Variants in KDM5A observed in about 807,000 individuals in gnomAD.
KDM5A encodes lysine-specific demethylase 5A.
In KDM5A, 42 loss-of-function variants were observed where a neutral mutation model predicts 193.5. That is an observed-to-expected ratio of 0.22 (90% CI 0.17 to 0.28). The LOEUF (loss-of-function observed/expected upper bound fraction) is 0.28, where lower values mean the gene tolerates loss of function less well. Among genes scored for constraint, KDM5A ranks in the 10% least tolerant of loss-of-function variants. The probability of loss-of-function intolerance (pLI) is 1.00; values close to 1 mark genes in which losing one functional copy is unlikely to be tolerated. For synonymous variants in KDM5A, 796 were observed against 718.1 expected (o/e 1.11, Z -1.73); for missense variants, 1,692 against 2,055.1 (o/e 0.82, Z 3.42).
intron 25 of KDM5A, among the ~76,000 whole-genome samples, chr12:296,621 T>C (rs1943377710): frequency 6.6e-6 from 1 of 152,134 alleles, no homozygotes; most frequent in South Asian, 2.1e-4. Flanking sequence ...ACAGAAAAAT[T>C]AACATCACAG....
intron 5 of KDM5A, among the ~76,000 whole-genome samples, chr12:357,600 C>A (rs985994404): frequency 6.6e-6 from 1 of 151,784 alleles, no homozygotes; most frequent in Middle Eastern, 3.4e-3. Context: ...GAGGCCGAGG[C>A]GGGCGGATCA....
chr12:298,924 A>G (rs986185357), intron 24 of KDM5A, among the ~76,000 whole-genome samples: 2 of 151,898 alleles, frequency 1.3e-5, no homozygotes, highest in Non-Finnish European at 2.9e-5. Context: ...CAATAGCCGA[A>G]TCAATCAAGC....
At chr12:356,605 GA>G in intron 5 of KDM5A, 68 bp from the exon 6 acceptor site, 1 of 965,420 alleles carries the variant, frequency 1.0e-6, no homozygotes, top group East Asian at 2.4e-5. Context: ...TTTACCCAAG[GA>G]AAGTTTCAGA....
chr12:298,209 GCCT>G (rs1460325326), intron 24 of KDM5A, among the ~76,000 whole-genome samples: 1 of 152,230 alleles, frequency 6.6e-6, no homozygotes, highest in Non-Finnish European at 1.5e-5. Context: ...GCAACAGAAT[GCCT>G]CCTCAAGTGG....
chr12:368,307 A>G (rs148241890), intron 3 of KDM5A, among the ~76,000 whole-genome samples: 2,064 of 152,290 alleles, frequency 0.014, 53 homozygotes, highest in African/African-American at 0.047. Context: ...ACAACACTGT[A>G]AATGTACTTA....
rs183910600 is a variant in KDM5A at position 282,826 on chromosome 12, C to T, written c.*2630G>A. On this transcript the variant is annotated 3_prime_UTR_variant, in exon 28 of 28. Coordinates refer to ENST00000399788, the MANE Select transcript of KDM5A (RefSeq NM_001042603.3). ...TAATTTTCTCTAAGTGAAAATAATG[C>T]TTTGTATTAGAACACCAACATTTCT... 10 of 232,454 alleles carry T rather than the reference C, an allele frequency of 4.3e-5. No individual in the cohort carries two copies. The highest frequency in any genetic ancestry group is 1.8e-4 in the African/African-American group (8 of 45,404). 14.4% of individuals were successfully genotyped at this position (232,454 alleles called of 1,614,324 possible).
intron 10 of KDM5A, among the ~76,000 whole-genome samples, chr12:340,268 A>G (rs1280739816): frequency 6.6e-6 from 1 of 152,264 alleles, no homozygotes; most frequent in African/African-American, 2.4e-5. Flanking sequence ...CATAGTTAGA[A>G]TCTGAGGCCT....
chr12:309,568 A>G (rs1386564865), intron 22 of KDM5A, among the ~76,000 whole-genome samples: 1 of 152,254 alleles, frequency 6.6e-6, no homozygotes, highest in African/African-American at 2.4e-5. Context: ...GACAACTATT[A>G]AAACAACAAT....
chr12:322,154 C>T, intron 17 of KDM5A: 1 of 440,718 alleles, frequency 2.3e-6, no homozygotes, highest in Non-Finnish European at 4.1e-6. Flanking sequence ...AAGAGAACTC[C>T]AAGCAGAGTA....
Position 388,121 on chromosome 12 carries a change from T to G in KDM5A, c.165+806A>C, listed in dbSNP as rs1389722728. On this transcript the variant is annotated intron_variant, in intron 1 of 27. Transcript: ENST00000399788. ...GTGCAAGTGGTCCAGCAACATCATTTAAAAAGCACTGGTCTAATGAGTAAA... is the reference window on the plus strand; with the variant it reads ...GTGCAAGTGGTCCAGCAACATCATTGAAAAAGCACTGGTCTAATGAGTAAA... 6 of 292,054 alleles carry G rather than the reference T, an allele frequency of 2.1e-5. No homozygotes were observed. The Admixed American group carries it at 2.1e-4, about 10-fold the overall frequency. 18.1% of individuals were successfully genotyped at this position (292,054 alleles called of 1,614,324 possible).
intron 10 of KDM5A, among the ~76,000 whole-genome samples, chr12:341,889 ACT>A (rs1212489663): frequency 6.7e-6 from 1 of 148,932 alleles, no homozygotes; most frequent in African/African-American, 2.5e-5. Flanking sequence ...ACAGGGCAAG[ACT>A]CTGTCTCCAA....
chr12:364,007 C>T lies in KDM5A; in HGVS notation c.538-910G>A, dbSNP rs190219417. Among the ~76,000 whole-genome samples the T allele has an allele frequency of 3.0e-3, 449 of 152,118 alleles. 2 individuals are homozygous for T. The highest frequency in any genetic ancestry group is 0.01 in the African/African-American group (431 of 41,484). ...CACATCACTAGTCATTAGAGAAATG[C>T]AAATTAAAACCACAATAAGGTATCA... On this transcript the variant is annotated intron_variant, in intron 4 of 27. Coordinates refer to ENST00000399788, the MANE Select transcript of KDM5A (RefSeq NM_001042603.3).
intron 3 of KDM5A, 108 bp from the exon 4 acceptor site, chr12:366,212 T>C: frequency 1.0e-6 from 1 of 960,304 alleles, no homozygotes; most frequent in Non-Finnish European, 1.6e-6. Flanking sequence ...AAATTTCAAA[T>C]TTCCTTTCAA....
At chr12:303,280 A>G (rs185336794) in intron 24 of KDM5A, among the ~76,000 whole-genome samples, 3 of 152,378 alleles carry the variant, frequency 2.0e-5, no homozygotes, top group Admixed American at 2.0e-4. Flanking sequence ...CACCAATGAT[A>G]GAATAGATGA....
At chr12:388,629 T>C (rs1011807381) in intron 1 of KDM5A, 2 of 484,938 alleles carry the variant, frequency 4.1e-6, no homozygotes, top group East Asian at 3.9e-5. Flanking sequence ...CACGTCATAA[T>C]ACTGTACTTT....
intron 3 of KDM5A, among the ~76,000 whole-genome samples, chr12:367,970 A>G (rs981124846): frequency 1.3e-5 from 2 of 152,228 alleles, no homozygotes; most frequent in Admixed American, 1.3e-4. Flanking sequence ...ACTCAAACAG[A>G]TTCTTGCACA....
chr12:385,811 T>C, intron 2 of KDM5A, 86 bp downstream of exon 2: 1 of 944,768 alleles, frequency 1.1e-6, no homozygotes. Flanking sequence ...CTCTAGGCTG[T>C]GGTACATGAG....
rs981021336 is a variant in KDM5A at position 336,211 on chromosome 12, T to C, written c.1309-1789A>G. ...CCATCTCTACAAAAAATACAAAAATTAGTCAGGCGTGGTGGCGTGCGCCTG... is the reference window on the plus strand; with the variant it reads ...CCATCTCTACAAAAAATACAAAAATCAGTCAGGCGTGGTGGCGTGCGCCTG... On this transcript the variant is annotated intron_variant, in intron 10 of 27. Coordinates refer to ENST00000399788, the MANE Select transcript of KDM5A (RefSeq NM_001042603.3). Among the ~76,000 whole-genome samples the C allele has an allele frequency of 1.2e-3, 175 of 151,308 alleles. 3 individuals carry two copies. Among genetic ancestry groups the C allele is most frequent in the Non-Finnish European group, 7.7e-4 (52 of 67,794 alleles).
At chr12:328,747 G>T in intron 14 of KDM5A, 88 bp downstream of exon 14, 1 of 1,138,554 alleles carries the variant, frequency 8.8e-7, no homozygotes, top group Non-Finnish European at 1.3e-6. Context: ...AACTCCTAGG[G>T]GATAAGGGAT....
Sources: gnomAD v4.1 joint callset for allele counts (sites outside exome capture counted in the v4.1 genomes callset) on GRCh38, gnomAD v4.1.1 for gene constraint, MANE v1.5 for transcripts, NCBI Gene and HGNC (gene_info 2026-07-23, HGNC 2026-07-21) for gene names.